Variants in SORCS3 observed in about 807,000 individuals in gnomAD.
SORCS3 encodes sortilin related VPS10 domain containing receptor 3.
A neutral mutation model predicts 146.3 loss-of-function variants in SORCS3; 57 were observed. The observed-to-expected ratio is 0.39, with a 90% CI of 0.31 to 0.49. The LOEUF (loss-of-function observed/expected upper bound fraction) is 0.49. Among genes scored for constraint, SORCS3 ranks in the 20% least tolerant of loss-of-function variants. The pLI, the probability that SORCS3 is intolerant of heterozygous loss-of-function variation, is 0.92. For synonymous variants in SORCS3, 653 were observed against 618.5 expected, an observed-to-expected ratio of 1.06 and a Z score of -0.83; for missense variants, 1,341 against 1,575.5, an observed-to-expected ratio of 0.85 and a Z score of 2.52.
intron 4 of SORCS3, among the ~76,000 whole-genome samples, chr10:105,016,134 A>AATATGT (rs1465351574): frequency 8.8e-6 from 1 of 113,694 alleles, no homozygotes; most frequent in Non-Finnish European, 1.7e-5. Flanking sequence ...ATATTATATA[A>AATATGT]ATATATATAT....
intron 3 of SORCS3, among the ~76,000 whole-genome samples, chr10:104,933,040 A>G (rs2019223249): frequency 6.6e-6 from 1 of 152,130 alleles, no homozygotes; most frequent in Admixed American, 6.6e-5. Flanking sequence ...CCCTTGGACA[A>G]GTTTTAATTG....
At chr10:105,193,641 A>T (rs930368567) in intron 14 of SORCS3, among the ~76,000 whole-genome samples, 4 of 152,214 alleles carry the variant, frequency 2.6e-5, no homozygotes, top group African/African-American at 9.6e-5. Context: ...CTTTGAACAC[A>T]TGTCACTGAT....
At chr10:104,842,124 T>C (rs141021975) in intron 1 of SORCS3, among the ~76,000 whole-genome samples, 274 of 152,342 alleles carry the variant, frequency 1.8e-3, no homozygotes, top group Middle Eastern at 0.01. Context: ...TACGTCCAGC[T>C]TCCTTTTGGG....
intron 1 of SORCS3, among the ~76,000 whole-genome samples, chr10:104,661,579 A>G (rs2015701349): frequency 6.6e-6 from 1 of 152,168 alleles, no homozygotes; most frequent in Admixed American, 6.5e-5. Flanking sequence ...ACTTGCTTGT[A>G]CATAGCTGAG....
At chr10:104,777,566 A>G (rs1035784707) in intron 1 of SORCS3, among the ~76,000 whole-genome samples, 1 of 152,210 alleles carries the variant, frequency 6.6e-6, no homozygotes, top group African/African-American at 2.4e-5. Flanking sequence ...GGGGATATTC[A>G]GAAATGTCTG....
chr10:105,224,758 A>G (rs990086862), intron 20 of SORCS3, among the ~76,000 whole-genome samples: 7 of 152,128 alleles, frequency 4.6e-5, no homozygotes, highest in Non-Finnish European at 1.0e-4. Flanking sequence ...TGGTGGTGTC[A>G]TGTTCTGGAT....
intron 2 of SORCS3, among the ~76,000 whole-genome samples, chr10:104,892,241 T>C (rs78223504): frequency 0.014 from 2,162 of 152,298 alleles, 63 homozygotes; most frequent in African/African-American, 0.047. Context: ...GTGCTGTGTT[T>C]AGGGAGATGC....
intron 16 of SORCS3, 70 bp downstream of exon 16, chr10:105,201,323 A>G: frequency 6.5e-7 from 1 of 1,537,866 alleles, no homozygotes; most frequent in Non-Finnish European, 8.8e-7. Context: ...GGGTGGGGTG[A>G]AGATGAAGTT....
At chr10:105,133,633 A>C (rs2056037271) in intron 7 of SORCS3, among the ~76,000 whole-genome samples, 2 of 152,138 alleles carry the variant, frequency 1.3e-5, no homozygotes, top group Admixed American at 6.6e-5. Context: ...TCTCCTAAGA[A>C]GATATTATTT....
At chr10:104,657,855 G>A (rs773959428) in intron 1 of SORCS3, among the ~76,000 whole-genome samples, 19 of 152,156 alleles carry the variant, frequency 1.2e-4, no homozygotes, top group African/African-American at 4.8e-5. Context: ...AAATATATTA[G>A]TTCCGATAAA....
chr10:104,796,182 G>T (rs2017552714), intron 1 of SORCS3, among the ~76,000 whole-genome samples: 1 of 152,214 alleles, frequency 6.6e-6, no homozygotes, highest in African/African-American at 2.4e-5. Flanking sequence ...GGTAGGGCCT[G>T]GGAGTTCCAT....
intron 16 of SORCS3, 58 bp from the exon 17 acceptor site, chr10:105,211,079 G>T: frequency 8.4e-7 from 1 of 1,187,050 alleles, no homozygotes; most frequent in Non-Finnish European, 1.2e-6. Context: ...GTGTGTGCCT[G>T]CGGTTATTTT....
At chr10:104,668,924 C>T (rs1282177767) in intron 1 of SORCS3, among the ~76,000 whole-genome samples, 1 of 152,216 alleles carries the variant, frequency 6.6e-6, no homozygotes, top group South Asian at 2.1e-4. Context: ...GCAAATTAAA[C>T]AGGTGCAGTC....
intron 1 of SORCS3, among the ~76,000 whole-genome samples, chr10:104,652,675 T>A (rs2015577991): frequency 6.6e-6 from 1 of 152,194 alleles, no homozygotes; most frequent in African/African-American, 2.4e-5. Flanking sequence ...GTTGTACAAT[T>A]TTTTTCAAGT....
chr10:105,052,657 G>A (rs1182318149), intron 5 of SORCS3, among the ~76,000 whole-genome samples: 1 of 152,052 alleles, frequency 6.6e-6, no homozygotes, highest in Non-Finnish European at 1.5e-5. Context: ...AAAAAATGGG[G>A]AGAGTTGAAT....
chr10:105,057,308 C>A (rs1384832440), intron 5 of SORCS3, among the ~76,000 whole-genome samples: 2 of 151,768 alleles, frequency 1.3e-5, no homozygotes, highest in African/African-American at 4.8e-5. Context: ...TGACAGAAGA[C>A]CATTCATTAA....
chr10:105,105,547 G>A, intron 7 of SORCS3, 32 bp downstream of exon 7: 1 of 1,486,636 alleles, frequency 6.7e-7, no homozygotes, highest in East Asian at 2.3e-5. Flanking sequence ...GGTGGTAGGA[G>A]GATGCATCGT....
chr10:104,812,678 A>G (rs1412757746), intron 1 of SORCS3, among the ~76,000 whole-genome samples: 1 of 152,116 alleles, frequency 6.6e-6, no homozygotes, highest in East Asian at 1.9e-4. Context: ...TTTTACTCTT[A>G]AGGGCCTGGG....
intron 5 of SORCS3, among the ~76,000 whole-genome samples, chr10:105,062,197 C>CTTGCATGCATTACTGCACTTATGTTTT (rs1261556521): frequency 6.6e-6 from 1 of 152,140 alleles, no homozygotes; most frequent in African/African-American, 2.4e-5. Flanking sequence ...AAGCAATGTG[C>CTTGCATGCATTACTGCACTTATGTTTT]TAAGTCCACA....
Sources: gnomAD v4.1 joint callset for allele counts (sites outside exome capture counted in the v4.1 genomes callset) on GRCh38, gnomAD v4.1.1 for gene constraint, MANE v1.5 for transcripts, NCBI Gene and HGNC (gene_info 2026-07-23, HGNC 2026-07-21) for gene names.